NUP205: variants seen among roughly 807,000 people sequenced by gnomAD.
NUP205 encodes the protein nucleoporin 205, also known as nuclear pore complex protein Nup205.
Under a neutral mutation model 253.8 loss-of-function variants are expected in NUP205, and 76 were observed. The ratio of observed to expected loss-of-function variants is 0.30; its 90% CI spans 0.25 to 0.36. The LOEUF (loss-of-function observed/expected upper bound fraction) is 0.36, where lower values mean the gene tolerates loss of function less well. NUP205 is among the 10% of genes least tolerant of loss of function. NUP205 has a pLI of 1.00. For missense variants in NUP205, 2,162 were observed against 2,425.5 expected (o/e 0.89, Z 2.28); for synonymous variants, 832 against 850.1 (o/e 0.98, Z 0.37).
Position 135,648,444 on chromosome 7 carries a change from A to C in NUP205, c.5927A>C (p.Gln1976Pro). The part of the protein sequence containing the change: ...DAINAFGESL[Q>P]KKLLDIEGLY... ...ATCAACGCTTTTGGAGAATCACTAC[A>C]AAAGAAACTTCTGGACATTGAAGGA... The change falls in exon 43 of 43, where the codon CAA (glutamine) becomes CCA (proline). Residue 1976 changes from glutamine to proline, a missense_variant. Physicochemically the swap from Gln to Pro is moderately conservative, Grantham distance 76. Coordinates refer to ENST00000285968, the MANE Select transcript of NUP205 (RefSeq NM_015135.3). 1 of 1,604,154 alleles carries C rather than the reference A, an allele frequency of 6.2e-7. No individual in the cohort carries two copies. Among genetic ancestry groups the C allele is most frequent in the South Asian group, 1.1e-5 (1 of 89,184 alleles).
intron 39 of NUP205, 27 bp downstream of exon 39, chr7:135,643,385 G>C: frequency 6.3e-7 from 1 of 1,599,494 alleles, no homozygotes; most frequent in Non-Finnish European, 8.5e-7. Flanking sequence ...GAGCTGGGGG[G>C]ACTTGAGAAA....
intron 26 of NUP205, 77 bp downstream of exon 26, chr7:135,617,324 T>C: frequency 7.4e-7 from 1 of 1,356,806 alleles, no homozygotes; most frequent in Non-Finnish European, 1.0e-6. Context: ...AATAGAACCA[T>C]ATAGGTTTTC....
chr7:135,637,845 C>A, intron 36 of NUP205, 86 bp from the exon 37 acceptor site: 1 of 1,252,896 alleles, frequency 8.0e-7, no homozygotes, highest in Non-Finnish European at 1.1e-6. Flanking sequence ...ATTCCATTCT[C>A]CACTGAGTTT....
chr7:135,585,793 C>T (rs914345420), intron 8 of NUP205, among the ~76,000 whole-genome samples: 1 of 152,166 alleles, frequency 6.6e-6, no homozygotes, highest in East Asian at 1.9e-4. Flanking sequence ...CTGCCCACCT[C>T]GGCCTCCCAA....
intron 39 of NUP205, among the ~76,000 whole-genome samples, chr7:135,644,318 G>A (rs1386068336): frequency 6.6e-6 from 1 of 152,172 alleles, no homozygotes; most frequent in African/African-American, 2.4e-5. Flanking sequence ...AATCAGTGAT[G>A]TTTGTACTTG....
chr7:135,561,905 TTCCTTCCTTCCC>T (rs1248068604), intron 1 of NUP205, among the ~76,000 whole-genome samples: 140 of 144,928 alleles, frequency 9.7e-4, no homozygotes, highest in African/African-American at 3.5e-3. Flanking sequence ...CCTTTGTTCC[TTCCTTCCTTCCC>T]TCCTTCCTTC....
chr7:135,616,784 A>G, intron 25 of NUP205, 58 bp downstream of exon 25: 1 of 1,067,146 alleles, frequency 9.4e-7, no homozygotes, highest in Non-Finnish European at 1.3e-6. Flanking sequence ...AAAAAAAAAA[A>G]AACTTCAAGG....
intron 18 of NUP205, among the ~76,000 whole-genome samples, chr7:135,603,900 T>C (rs1023377269): frequency 6.6e-6 from 1 of 152,196 alleles, no homozygotes; most frequent in African/African-American, 2.4e-5. Context: ...AGCAGACTTT[T>C]CACAGAAAAC....
At chr7:135,574,419 G>A (rs1236944439) in intron 3 of NUP205, among the ~76,000 whole-genome samples, 2 of 152,126 alleles carry the variant, frequency 1.3e-5, no homozygotes, top group African/African-American at 4.8e-5. Context: ...AGTAGGATCC[G>A]TAGAGAAGGC....
At chr7:135,600,028 A>G (rs1793930491) in intron 15 of NUP205, among the ~76,000 whole-genome samples, 1 of 152,218 alleles carries the variant, frequency 6.6e-6, no homozygotes, top group African/African-American at 2.4e-5. Context: ...AAGTCACTTT[A>G]TAGTCCCATT....
chr7:135,562,693 G>A lies in NUP205; in HGVS notation c.28+4721G>A, dbSNP rs372963721. ...CTCCTGAGTAGCTGGGACTACAGGC[G>A]TGCGCCACCACACCCAGCTAATTTT... On this transcript the variant is annotated intron_variant, in intron 1 of 42. Coordinates refer to ENST00000285968, the MANE Select transcript of NUP205 (RefSeq NM_015135.3). 1.3e-4 allele frequency among the ~76,000 whole-genome samples: 20 copies of A among 151,894 alleles called. No homozygotes were observed. The South Asian group carries it at 2.3e-3, about 17-fold the overall frequency.
At chr7:135,643,101 C>A in intron 38 of NUP205, 91 bp from the exon 39 acceptor site, 1 of 1,225,744 alleles carries the variant, frequency 8.2e-7, no homozygotes, top group Non-Finnish European at 1.1e-6. Flanking sequence ...TCCTTAAATT[C>A]TGGGGCATCC....
intron 27 of NUP205, 129 bp downstream of exon 27, chr7:135,617,811 A>G: frequency 2.1e-6 from 1 of 484,312 alleles, no homozygotes; most frequent in South Asian, 4.2e-5. Context: ...ACATTTAGGG[A>G]GTCTTTCACT....
chr7:135,597,495 CT>C, intron 14 of NUP205, 77 bp downstream of exon 14: 1 of 847,104 alleles, frequency 1.2e-6, no homozygotes, highest in Non-Finnish European at 2.0e-6. Context: ...CATTCTTACC[CT>C]TTTACGTTTC....
At chr7:135,604,052 T>A (rs1421871728) in intron 18 of NUP205, among the ~76,000 whole-genome samples, 1 of 152,182 alleles carries the variant, frequency 6.6e-6, no homozygotes, top group East Asian at 1.9e-4. Context: ...TCATATTTTA[T>A]TAGGGCCTCC....
intron 13 of NUP205, among the ~76,000 whole-genome samples, chr7:135,596,288 A>G (rs73725162): frequency 0.034 from 5,170 of 152,298 alleles, 118 homozygotes; most frequent in Middle Eastern, 0.1. Context: ...TGACATACAT[A>G]TCCTGAAGAT....
At chr7:135,623,277 T>C (rs1294430305) in intron 31 of NUP205, among the ~76,000 whole-genome samples, 1 of 152,126 alleles carries the variant, frequency 6.6e-6, no homozygotes, top group Non-Finnish European at 1.5e-5. Context: ...AGTGAGACCC[T>C]GCTGCAAAAA....
Position 135,577,833 on chromosome 7 carries a change from C to G in NUP205, c.686C>G (p.Ala229Gly), listed in dbSNP as rs1202321284. The G allele has an allele frequency of 1.2e-6, 2 of 1,614,044 alleles. No individual in the cohort carries two copies. Among genetic ancestry groups the G allele is most frequent in the South Asian group, 1.1e-5 (1 of 91,078 alleles). The change falls in exon 6 of 43, where the codon GCA (alanine) becomes GGA (glycine). Residue 229 changes from alanine (A) to glycine (G), a missense_variant. Physicochemically the swap from Ala to Gly is moderately conservative, Grantham distance 60 (BLOSUM62 0). Transcript: ENST00000285968. ...ATTAAGGAGTGCAGGCAGTCTCTTG[C>G]AGAAAGCCTTTTTGCCTGGGCTTGC... ...DLIKECRQSLAESLFAWACQS... is the reference protein window; with the variant it reads ...DLIKECRQSLGESLFAWACQS...
intron 1 of NUP205, among the ~76,000 whole-genome samples, chr7:135,558,703 C>T (rs892903500): frequency 1.3e-5 from 2 of 152,168 alleles, no homozygotes; most frequent in Non-Finnish European, 2.9e-5. Flanking sequence ...CTGGGGTACA[C>T]TGCTGTCGCA....
Sources: gnomAD v4.1 joint callset for allele counts (sites outside exome capture counted in the v4.1 genomes callset) on GRCh38, gnomAD v4.1.1 for gene constraint, MANE v1.5 for transcripts, NCBI Gene and HGNC (gene_info 2026-07-23, HGNC 2026-07-21) for gene names.